The following NEGR1 variants were observed in gnomAD, a reference collection of about 807,000 sequenced individuals.
NEGR1 encodes neuronal growth regulator 1.
A neutral mutation model predicts 40.9 loss-of-function variants in NEGR1; 10 were observed. The observed-to-expected ratio is 0.24, with a 90% CI of 0.15 to 0.42. The LOEUF (loss-of-function observed/expected upper bound fraction) is 0.42. Ranked by LOEUF, NEGR1 falls within the 10% of genes least tolerant of loss-of-function variation. The pLI, the probability that NEGR1 is intolerant of heterozygous loss-of-function variation, is 1.00. For missense variants in NEGR1, 352 were observed against 438.9 expected, an observed-to-expected ratio of 0.80 and a Z score of 1.77; for synonymous variants, 185 against 166.8, an observed-to-expected ratio of 1.11 and a Z score of -0.84.
chr1:71,424,498 T>C (rs1646416927), intron 6 of NEGR1, among the ~76,000 whole-genome samples: 1 of 152,170 alleles, frequency 6.6e-6, no homozygotes, highest in African/African-American at 2.4e-5. Flanking sequence ...CAAGCACTAA[T>C]CTAAGTACTT....
Position 71,959,724 on chromosome 1 carries a change from G to GTATTTT in NEGR1, c.177-24419_177-24414dup, listed in dbSNP as rs1367655042. Among the ~76,000 whole-genome samples, 9 of 151,672 alleles carry GTATTTT rather than the reference G, an allele frequency of 5.9e-5. No individual in the cohort carries two copies. In the East Asian group the frequency reaches 1.5e-3, roughly 26 times the overall value. On this transcript the variant is annotated intron_variant, in intron 1 of 6. Transcript: ENST00000357731. ...TTGCCAGGTGCTTCTAAACTTCTAT[G>GTATTTT]TATTTTTTCATATCCAATTTTACTT...
chr1:71,787,333 C>G (rs1656948338), intron 2 of NEGR1, among the ~76,000 whole-genome samples: 1 of 152,110 alleles, frequency 6.6e-6, no homozygotes, highest in Non-Finnish European at 1.5e-5. Context: ...GATAAAACTT[C>G]CCATGATGGC....
chr1:72,173,341 T>TTTTTTTTTTTTTTTTTTGAGATGGA (rs1299542762), intron 1 of NEGR1, among the ~76,000 whole-genome samples: 1 of 139,866 alleles, frequency 7.1e-6, no homozygotes. Context: ...TATTTTCATC[T>TTTTTTTTTTTTTTTTTTGAGATGGA]GCTGCTTTTG....
intron 6 of NEGR1, among the ~76,000 whole-genome samples, chr1:71,507,141 C>T (rs540422191): frequency 6.6e-6 from 1 of 152,288 alleles, no homozygotes; most frequent in South Asian, 2.1e-4. Flanking sequence ...TGTAAATGGT[C>T]ATCAAAAAGA....
At chr1:72,101,193 A>G (rs574335444) in intron 1 of NEGR1, among the ~76,000 whole-genome samples, 34 of 152,198 alleles carry the variant, frequency 2.2e-4, no homozygotes, top group Non-Finnish European at 4.3e-4. Flanking sequence ...CATCTTTATG[A>G]GCAAGAATTC....
chr1:71,519,785 C>T (rs1647142435), intron 6 of NEGR1, among the ~76,000 whole-genome samples: 1 of 148,010 alleles, frequency 6.8e-6, no homozygotes, highest in Non-Finnish European at 1.5e-5. Context: ...AAGTGAATCA[C>T]AAAGTCAAAT....
chr1:71,979,472 G>A (rs1646336216), intron 1 of NEGR1, among the ~76,000 whole-genome samples: 1 of 152,088 alleles, frequency 6.6e-6, no homozygotes, highest in Non-Finnish European at 1.5e-5. Context: ...GTGGTGAGAA[G>A]GAAATCAGAT....
chr1:71,481,030 A>G (rs1340529753), intron 6 of NEGR1, among the ~76,000 whole-genome samples: 1 of 151,956 alleles, frequency 6.6e-6, no homozygotes, highest in African/African-American at 2.4e-5. Flanking sequence ...TTATTAAAAG[A>G]TAAGCATTTT....
intron 1 of NEGR1, among the ~76,000 whole-genome samples, chr1:72,101,767 AG>A: frequency 6.6e-6 from 1 of 152,254 alleles, no homozygotes; most frequent in East Asian, 1.9e-4. Context: ...TGCTTACTCT[AG>A]GGCCATTTGT....
At chr1:71,533,157 C>T (rs1037024766) in intron 6 of NEGR1, among the ~76,000 whole-genome samples, 10 of 151,534 alleles carry the variant, frequency 6.6e-5, no homozygotes, top group African/African-American at 2.4e-4. Flanking sequence ...ATTTCCATAT[C>T]CTAGACTATA....
chr1:71,573,590 T>C (rs1241135591), intron 6 of NEGR1: 1 of 152,238 alleles, frequency 6.6e-6, no homozygotes, highest in Non-Finnish European at 1.5e-5. Context: ...TCTCTTGTAG[T>C]TCATTTTAAG....
chr1:72,142,947 G>A (rs1650743387), intron 1 of NEGR1, among the ~76,000 whole-genome samples: 1 of 151,780 alleles, frequency 6.6e-6, no homozygotes, highest in Non-Finnish European at 1.5e-5. Context: ...CAGCATGAAG[G>A]GATGTGTAAG....
At chr1:71,438,853 G>T (rs1646527560) in intron 6 of NEGR1, among the ~76,000 whole-genome samples, 1 of 152,150 alleles carries the variant, frequency 6.6e-6, no homozygotes, top group African/African-American at 2.4e-5. Flanking sequence ...AGTCTCACTG[G>T]CCAGTGATGG....
Position 71,670,921 on chromosome 1 carries a change from C to G in NEGR1, c.667+27087G>C, listed in dbSNP as rs561928399. 5.3e-5 allele frequency among the ~76,000 whole-genome samples: 8 copies of G among 152,152 alleles called. No individual in the cohort carries two copies. In the South Asian group the frequency reaches 1.5e-3, roughly 28 times the overall value. ...ACACACACACATACACACACACACA[C>G]AGAGTATTTGCCTCAGTGGCTTTTT... is the stretch of plus-strand genomic sequence containing the variant. On this transcript the variant is annotated intron_variant, in intron 4 of 6. Transcript: ENST00000357731.
chr1:72,215,419 T>G (rs1333615587), intron 1 of NEGR1, among the ~76,000 whole-genome samples: 2 of 151,756 alleles, frequency 1.3e-5, no homozygotes, highest in African/African-American at 4.8e-5. Flanking sequence ...ATTATCAGAG[T>G]GGACAGGCAA....
chr1:71,709,215 G>A (rs1047862188), intron 3 of NEGR1, among the ~76,000 whole-genome samples: 3 of 152,192 alleles, frequency 2.0e-5, no homozygotes, highest in African/African-American at 4.8e-5. Context: ...CCCAGGAAGA[G>A]AACAAGAGCC....
chr1:72,258,188 TTTC>T (rs1655336470), intron 1 of NEGR1, among the ~76,000 whole-genome samples: 1 of 152,180 alleles, frequency 6.6e-6, no homozygotes, highest in Non-Finnish European at 1.5e-5. Context: ...AATACCTAGA[TTTC>T]TTTTTTGGTT....
chr1:71,416,122 C>T (rs909583964), intron 6 of NEGR1, among the ~76,000 whole-genome samples: 3 of 152,188 alleles, frequency 2.0e-5, no homozygotes, highest in African/African-American at 7.2e-5. Context: ...CTGCCATCAG[C>T]TGTGTCTTCA....
chr1:72,036,904 G>A (rs966447917), intron 1 of NEGR1, among the ~76,000 whole-genome samples: 1 of 152,048 alleles, frequency 6.6e-6, no homozygotes, highest in Non-Finnish European at 1.5e-5. Context: ...TGTAAAATGT[G>A]TGGCACAAGG....
Sources: allele counts gnomAD v4.1 joint callset (sites outside exome capture counted in the v4.1 genomes callset), GRCh38; gene constraint gnomAD v4.1.1; transcripts MANE v1.5; gene names NCBI Gene and HGNC (gene_info 2026-07-23, HGNC 2026-07-21).